PLEKHG1: variants seen among roughly 807,000 people sequenced by gnomAD.
PLEKHG1 encodes pleckstrin homology and RhoGEF domain containing G1.
Under a neutral mutation model 100.8 loss-of-function variants are expected in PLEKHG1, and 44 were observed. That is an observed-to-expected ratio of 0.44 (90% CI 0.34 to 0.56). PLEKHG1 has a LOEUF of 0.56. PLEKHG1 is among the 20% of genes least tolerant of loss of function. The probability of loss-of-function intolerance (pLI) is 0.01; values close to 1 mark genes in which losing one functional copy is unlikely to be tolerated. For missense variants in PLEKHG1, 1,545 were observed against 1,720.9 expected (o/e 0.90, Z 1.81); for synonymous variants, 640 against 662.5 (o/e 0.97, Z 0.52).
chr6:150,678,002 G>T (rs947488271), intron 3 of PLEKHG1, among the ~76,000 whole-genome samples: 1 of 145,192 alleles, frequency 6.9e-6, no homozygotes, highest in African/African-American at 2.5e-5. Flanking sequence ...GTGTTTTTTA[G>T]TGTTATTTTT....
At chr6:150,804,584 A>AC in intron 6 of PLEKHG1, 26 bp from the exon 8 acceptor site, 1 of 1,552,664 alleles carries the variant, frequency 6.4e-7, no homozygotes, top group African/African-American at 1.5e-5. Context: ...GAAAAAAAAA[A>AC]AAACCCTCGT....
intron 3 of PLEKHG1, among the ~76,000 whole-genome samples, chr6:150,779,352 T>TC (rs1785177592): frequency 6.9e-6 from 1 of 144,976 alleles, no homozygotes; most frequent in African/African-American, 2.7e-5. Flanking sequence ...AAGTTTTTTT[T>TC]TTTTTTTTTT....
At chr6:150,800,496 G>A (rs1221306898) in intron 5 of PLEKHG1, among the ~76,000 whole-genome samples, 1 of 152,146 alleles carries the variant, frequency 6.6e-6, no homozygotes, top group Non-Finnish European at 1.5e-5. Context: ...TTACTTAGAA[G>A]CCATGAGCCC....
At chr6:150,625,143 C>CA (rs5880888) in intron 1 of PLEKHG1, among the ~76,000 whole-genome samples, 24,605 of 146,704 alleles carry the variant, frequency 0.17, 2,436 homozygotes, top group Middle Eastern at 0.25. Context: ...GACTCCATCT[C>CA]AAAAAAAAAA....
At chr6:150,834,078 A>T (rs1475157586) in intron 15 of PLEKHG1, among the ~76,000 whole-genome samples, 1 of 152,204 alleles carries the variant, frequency 6.6e-6, no homozygotes, top group Non-Finnish European at 1.5e-5. Flanking sequence ...CAATTTCTTA[A>T]CAGATAGGGA....
chr6:150,808,705 T>C (rs973918861), intron 7 of PLEKHG1, among the ~76,000 whole-genome samples: 3 of 152,082 alleles, frequency 2.0e-5, no homozygotes, highest in Admixed American at 6.6e-5. Context: ...TGAGCCCTGA[T>C]CGCGCCACTT....
Position 150,644,449 on chromosome 6 carries a change from C to T in PLEKHG1, c.-157-6279C>T, listed in dbSNP as rs575197013. 3.3e-5 allele frequency among the ~76,000 whole-genome samples: 5 copies of T among 150,586 alleles called. No individual in the cohort carries two copies. In the East Asian group the frequency reaches 9.8e-4, roughly 30 times the overall value. On this transcript the variant is annotated intron_variant, in intron 2 of 3. Transcript: ENST00000367326. ...TCCTGGGTTCAAGTGATTTTCCTGC[C>T]TCAGCCTCCTGAGTATCTGGGATTA...
intron 2 of PLEKHG1, among the ~76,000 whole-genome samples, chr6:150,649,568 GTTCT>G (rs1381686086): frequency 2.0e-5 from 3 of 152,172 alleles, no homozygotes; most frequent in African/African-American, 4.8e-5. Context: ...AATGTCTGCG[GTTCT>G]TTCTTTTTAA....
chr6:150,666,184 G>A (rs1441929166), intron 3 of PLEKHG1, among the ~76,000 whole-genome samples: 3 of 152,182 alleles, frequency 2.0e-5, no homozygotes, highest in African/African-American at 2.4e-5. Context: ...GCAGCTTCCT[G>A]GACAAAATGT....
At chr6:150,633,734 G>C (rs1244229120) in intron 1 of PLEKHG1, among the ~76,000 whole-genome samples, 1 of 152,204 alleles carries the variant, frequency 6.6e-6, no homozygotes, top group Non-Finnish European at 1.5e-5. Flanking sequence ...TAATGGCCGA[G>C]GGGAGGAGAG....
rs1206568828 is a variant in PLEKHG1 at position 150,841,118 on chromosome 6, A to C, written c.*222A>C. The C allele has an allele frequency of 3.0e-5, 20 of 668,058 alleles. No individual in the cohort carries two copies. In the Admixed American group the frequency reaches 4.4e-4, roughly 15 times the overall value. The allele number at this position is 668,058 out of a possible 1,614,324, so 41.4% of individuals were successfully genotyped here. On this transcript the variant is annotated 3_prime_UTR_variant, in exon 16 of 16. Transcript: ENST00000358517. ...ATCAACAGTATATTTTCTCATGCTG[A>C]GTGTCTTCATGTTTCATGTAAGTCA...
At chr6:150,841,127 A>G (rs1347894012) in exon 16 of PLEKHG1, 1 of 654,594 alleles carries the variant, frequency 1.5e-6, no homozygotes, top group Admixed American at 2.3e-5. Flanking sequence ...GAGTGTCTTC[A>G]TGTTTCATGT....
intron 2 of PLEKHG1, among the ~76,000 whole-genome samples, chr6:150,753,804 C>A (rs1316712263): frequency 1.3e-5 from 2 of 152,106 alleles, no homozygotes; most frequent in African/African-American, 2.4e-5. Context: ...GCTGCCCCTG[C>A]GACAAAGGCT....
intron 2 of PLEKHG1, among the ~76,000 whole-genome samples, chr6:150,740,534 G>A (rs1782801801): frequency 6.6e-6 from 1 of 152,116 alleles, no homozygotes; most frequent in Non-Finnish European, 1.5e-5. Flanking sequence ...AACATTTATT[G>A]GACACTTCTT....
intron 3 of PLEKHG1, among the ~76,000 whole-genome samples, chr6:150,715,511 G>A (rs1297466607): frequency 7.0e-6 from 1 of 143,618 alleles, no homozygotes; most frequent in Non-Finnish European, 1.5e-5. Flanking sequence ...TTTTTGAGAC[G>A]GAATCTTGCT....
intron 5 of PLEKHG1, among the ~76,000 whole-genome samples, chr6:150,799,200 T>G (rs1786547466): frequency 6.6e-6 from 1 of 152,232 alleles, no homozygotes; most frequent in African/African-American, 2.4e-5. Flanking sequence ...TCTTGTCCAC[T>G]TGTATCCCAT....
intron 15 of PLEKHG1, among the ~76,000 whole-genome samples, chr6:150,836,557 G>C (rs117312720): frequency 1.3e-5 from 2 of 151,694 alleles, no homozygotes; most frequent in East Asian, 3.9e-4. Context: ...TGGCTCACAC[G>C]TGTAATCCTA....
chr6:150,795,200 C>A (rs1786247021), intron 4 of PLEKHG1, among the ~76,000 whole-genome samples: 1 of 151,992 alleles, frequency 6.6e-6, no homozygotes, highest in African/African-American at 2.4e-5. Flanking sequence ...ACAAGCCTGG[C>A]CAACATAGCA....
intron 14 of PLEKHG1, among the ~76,000 whole-genome samples, chr6:150,824,774 C>T (rs1287148034): frequency 1.3e-5 from 2 of 152,200 alleles, no homozygotes; most frequent in Non-Finnish European, 2.9e-5. Flanking sequence ...AGGTGACCCA[C>T]CCGTCTCAGC....
Sources: gnomAD v4.1 joint callset for allele counts (sites outside exome capture counted in the v4.1 genomes callset) on GRCh38, gnomAD v4.1.1 for gene constraint, MANE v1.5 for transcripts, NCBI Gene and HGNC (gene_info 2026-07-23, HGNC 2026-07-21) for gene names.